HIF1A: variants seen among roughly 807,000 people sequenced by gnomAD.
The protein encoded by HIF1A is hypoxia-inducible factor 1-alpha.
A neutral mutation model predicts 92.7 loss-of-function variants in HIF1A; 24 were observed. That is an observed-to-expected ratio of 0.26 (90% CI 0.19 to 0.36). The LOEUF (loss-of-function observed/expected upper bound fraction) is 0.36, where lower values mean the gene tolerates loss of function less well. HIF1A is among the 10% of genes least tolerant of loss of function. The pLI, the probability that HIF1A is intolerant of heterozygous loss-of-function variation, is 1.00. For missense variants in HIF1A, 799 were observed against 998.5 expected, an observed-to-expected ratio of 0.80 and a Z score of 2.69; for synonymous variants, 319 against 338.7, an observed-to-expected ratio of 0.94 and a Z score of 0.64.
chr14:61,709,124 C>T (rs1435997166), intron 1 of HIF1A, among the ~76,000 whole-genome samples: 4 of 151,980 alleles, frequency 2.6e-5, no homozygotes, highest in Non-Finnish European at 4.4e-5. Flanking sequence ...CTCGAACTCC[C>T]GACCTCAGGT....
rs535874152 is a variant in HIF1A at position 61,700,808 on chromosome 14, C to T, written c.35+4969C>T. ...TCTAAACACTTGTTTTCTTTCTTTC[C>T]TTCCTTCTCTTCTCTTTCTTTCTTA... On this transcript the variant is annotated intron_variant, in intron 1 of 14. Transcript: ENST00000337138. Among the ~76,000 whole-genome samples, 14 of 152,260 alleles carry T rather than the reference C, an allele frequency of 9.2e-5. No homozygotes were observed. In the South Asian group the frequency reaches 2.9e-3, roughly 32 times the overall value.
Position 61,741,174 on chromosome 14 carries a change from C to A in HIF1A, c.2079C>A (p.Val693=), listed in dbSNP as rs773077297. The part of the protein sequence containing the change: ...SHPRSPNVLS[V]ALSQRTTVPE... ...CAAGAAGCCCTAACGTGTTATCTGT[C>A]GCTTTGAGTCAAAGGTATTTATATG... The change falls in exon 12 of 15, where the codon GTC becomes GTA. Residue 693 remains valine (V), a synonymous_variant. Transcript: ENST00000337138. 1 of 1,595,298 alleles carries A rather than the reference C, an allele frequency of 6.3e-7. No homozygotes were observed. Among genetic ancestry groups the A allele is most frequent in the South Asian group, 1.1e-5 (1 of 87,776 alleles).
intron 1 of HIF1A, among the ~76,000 whole-genome samples, chr14:61,710,911 T>C (rs2044298426): frequency 1.3e-5 from 2 of 151,996 alleles, no homozygotes; most frequent in Admixed American, 6.6e-5. Flanking sequence ...ATACAAAAAA[T>C]TAGCCGGGTG....
intron 1 of HIF1A, among the ~76,000 whole-genome samples, chr14:61,709,049 C>T (rs1243316801): frequency 6.6e-6 from 1 of 152,124 alleles, no homozygotes; most frequent in Non-Finnish European, 1.5e-5. Context: ...AGGCACGTGG[C>T]AACATGCCTA....
intron 1 of HIF1A, among the ~76,000 whole-genome samples, chr14:61,704,200 T>G (rs2044209773): frequency 6.6e-6 from 1 of 152,182 alleles, no homozygotes; most frequent in South Asian, 2.1e-4. Context: ...TTCATAATAT[T>G]ATAGTATTGG....
chr14:61,728,383 A>G (rs1466425002), intron 6 of HIF1A, among the ~76,000 whole-genome samples: 1 of 152,110 alleles, frequency 6.6e-6, no homozygotes, highest in African/African-American at 2.4e-5. Context: ...TATTTCCCAC[A>G]TTTCTTCCTG....
chr14:61,708,588 A>G (rs1285805370), intron 1 of HIF1A, among the ~76,000 whole-genome samples: 1 of 148,536 alleles, frequency 6.7e-6, no homozygotes, highest in Non-Finnish European at 1.5e-5. Flanking sequence ...TGTTTTTGTC[A>G]GGTTTGTCAA....
intron 1 of HIF1A, among the ~76,000 whole-genome samples, chr14:61,719,016 T>C (rs2044395997): frequency 6.6e-6 from 1 of 152,232 alleles, no homozygotes; most frequent in Admixed American, 6.5e-5. Context: ...ACATGTTATA[T>C]TGTAACAAGA....
chr14:61,741,256 A>G (rs1416640767), intron 12 of HIF1A, 68 bp downstream of exon 12: 1 of 1,139,742 alleles, frequency 8.8e-7, no homozygotes, highest in Non-Finnish European at 1.2e-6. Context: ...GTGATAGTAC[A>G]TGATTTTTAA....
intron 9 of HIF1A, 45 bp downstream of exon 9, chr14:61,737,154 A>G: frequency 1.5e-6 from 2 of 1,352,898 alleles, no homozygotes; most frequent in Non-Finnish European, 2.1e-6. Flanking sequence ...GTCTGTTGCT[A>G]CAAGCCCCAT....
chr14:61,738,157 C>T lies in HIF1A; in HGVS notation c.1320C>T (p.Asn440=), dbSNP rs372737947. 1.0e-4 allele frequency: 162 copies of T among 1,613,948 alleles called. No individual in the cohort carries two copies. Among genetic ancestry groups the T allele is most frequent in the Non-Finnish European group, 1.2e-4 (147 of 1,179,938 alleles). The change falls in exon 10 of 15, where the codon AAC becomes AAT. Residue 440 remains asparagine, a synonymous_variant. Coordinates refer to ENST00000337138, the MANE Select transcript of HIF1A (RefSeq NM_001530.4). ...ATGATGTAATGCTCCCCTCACCCAA[C>T]GAAAAATTACAGAATATAAATTTGG... ...LYNDVMLPSP[N]EKLQNINLAM...
intron 1 of HIF1A, among the ~76,000 whole-genome samples, chr14:61,699,589 T>A (rs1000721238): frequency 1.3e-5 from 2 of 152,170 alleles, no homozygotes. Context: ...TATAATTTTT[T>A]AAATTTAGAT....
chr14:61,739,447 C>T (rs1483897026), intron 10 of HIF1A, among the ~76,000 whole-genome samples: 1 of 152,036 alleles, frequency 6.6e-6, no homozygotes, highest in Non-Finnish European at 1.5e-5. Context: ...CATAAATAAG[C>T]TTTAATAAGT....
chr14:61,722,370 G>A (rs530625589), intron 4 of HIF1A, among the ~76,000 whole-genome samples: 128 of 152,284 alleles, frequency 8.4e-4, no homozygotes, highest in Non-Finnish European at 1.5e-3. Context: ...TTACAGGCAT[G>A]AGCCACCACG....
Position 61,695,622 on chromosome 14 carries a change from C to T in HIF1A, c.-183C>T. 4.6e-6 allele frequency: 3 copies of T among 645,874 alleles called. No homozygotes were observed. The highest frequency in any genetic ancestry group is 1.9e-5 in the South Asian group (1 of 51,920). 40.0% of individuals were successfully genotyped at this position (645,874 alleles called of 1,614,324 possible). A position where few individuals can be genotyped will look rare whatever the true frequency, so the allele number is the denominator to read the frequency against. ...AGCCACCTGAGGAGAGGCTCGGAGC[C>T]GGGCCCGGACCCCGGCGATTGCCGC... On this transcript the variant is annotated 5_prime_UTR_variant, in exon 1 of 15. Coordinates refer to ENST00000337138, the MANE Select transcript of HIF1A (RefSeq NM_001530.4).
chr14:61,724,100 A>G (rs551678115), intron 4 of HIF1A, among the ~76,000 whole-genome samples: 28 of 151,734 alleles, frequency 1.8e-4, no homozygotes, highest in Non-Finnish European at 3.1e-4. Flanking sequence ...GGTTTTTTTA[A>G]TGGTTTGTTT....
Position 61,709,488 on chromosome 14 carries a change from C to T in HIF1A, c.36-10894C>T, listed in dbSNP as rs186338000. On this transcript the variant is annotated intron_variant, in intron 1 of 14. Transcript: ENST00000337138. ...AATGTAAAACAGTGATTCTTTTCCCCGTTTATTTTACTGCATTAGAAAATC... is the reference window on the plus strand; with the variant it reads ...AATGTAAAACAGTGATTCTTTTCCCTGTTTATTTTACTGCATTAGAAAATC... 8.8e-3 allele frequency among the ~76,000 whole-genome samples: 1,334 copies of T among 152,120 alleles called. 9 individuals are homozygous for T. Among genetic ancestry groups the T allele is most frequent in the Middle Eastern group, 0.02 (6 of 294 alleles).
intron 1 of HIF1A, among the ~76,000 whole-genome samples, chr14:61,702,248 A>G (rs1458237514): frequency 6.9e-6 from 1 of 145,654 alleles, no homozygotes; most frequent in Non-Finnish European, 1.5e-5. Flanking sequence ...ACCAACTTGG[A>G]GAAACCCCGT....
At chr14:61,741,221 T>A (rs1026133234) in intron 12 of HIF1A, 33 bp downstream of exon 12, 2 of 1,426,658 alleles carry the variant, frequency 1.4e-6, no homozygotes, top group Admixed American at 4.4e-5. Flanking sequence ...TTATAGTTCT[T>A]TTATTATTTT....
Sources: allele counts gnomAD v4.1 joint callset (sites outside exome capture counted in the v4.1 genomes callset), GRCh38; gene constraint gnomAD v4.1.1; transcripts MANE v1.5; gene names NCBI Gene and HGNC (gene_info 2026-07-23, HGNC 2026-07-21).